Variants in TLK2 observed in about 807,000 individuals in gnomAD.
TLK2 encodes the protein tousled like kinase 2.
Under a neutral mutation model 117.3 loss-of-function variants are expected in TLK2, and 6 were observed. That is an observed-to-expected ratio of 0.05 (90% CI 0.03 to 0.10). The LOEUF (loss-of-function observed/expected upper bound fraction) is 0.10, where lower values mean the gene tolerates loss of function less well. Ranked by LOEUF, TLK2 falls within the 10% of genes least tolerant of loss-of-function variation. TLK2 has a pLI of 1.00. For missense variants in TLK2, 299 were observed against 901.2 expected, an observed-to-expected ratio of 0.33 and a Z score of 8.56; for synonymous variants, 257 against 316.7, an observed-to-expected ratio of 0.81 and a Z score of 2.00.
intron 11 of TLK2, among the ~76,000 whole-genome samples, chr17:62,567,659 A>G (rs1461864012): frequency 6.6e-6 from 1 of 152,238 alleles, no homozygotes; most frequent in East Asian, 1.9e-4. Flanking sequence ...TGCACATGAG[A>G]AACTCCAAGA....
Position 62,607,958 on chromosome 17 carries a change from C to T in TLK2, c.1972-83C>T, listed in dbSNP as rs2083440750. The T allele has an allele frequency of 3.5e-6, 4 of 1,156,348 alleles. No homozygotes were observed. In the South Asian group the frequency reaches 5.8e-5, roughly 17 times the overall value. The allele number at this position is 1,156,348 out of a possible 1,614,324, so 71.6% of individuals were successfully genotyped here. A position where few individuals can be genotyped will look rare whatever the true frequency, so the allele number is the denominator to read the frequency against. The stretch of plus-strand genomic sequence containing the variant: ...AATTCAAATTAGAAGATGTCTTATC[C>T]TTTTCCTTCCCTGGGGTATTGAATT... On this transcript the variant is annotated intron_variant, in intron 20 of 21. Transcript: ENST00000346027.
chr17:62,601,548 A>G (rs1038290363), intron 18 of TLK2, among the ~76,000 whole-genome samples: 1 of 152,240 alleles, frequency 6.6e-6, no homozygotes, highest in African/African-American at 2.4e-5. Context: ...GAAATTTTTT[A>G]AAAGATGGCT....
At chr17:62,482,410 G>T (rs915223351) in intron 2 of TLK2, among the ~76,000 whole-genome samples, 4 of 151,526 alleles carry the variant, frequency 2.6e-5, no homozygotes, top group African/African-American at 9.7e-5. Context: ...TTCTTTGATG[G>T]GTCTCACAGT....
intron 2 of TLK2, among the ~76,000 whole-genome samples, chr17:62,510,015 A>G (rs563222596): frequency 6.6e-6 from 1 of 152,348 alleles, no homozygotes; most frequent in South Asian, 2.1e-4. Context: ...GCAGTGGCTC[A>G]TGCCTGTAAT....
rs556112980 is a variant in TLK2 at position 62,483,257 on chromosome 17, C to T, written c.81+2051C>T. Among the ~76,000 whole-genome samples, 8 of 148,732 alleles carry T rather than the reference C, an allele frequency of 5.4e-5. No homozygotes were observed. The Admixed American group carries it at 5.5e-4, about 10-fold the overall frequency. ...ATTTTACATAGTTAAGCTCACTGATCTTTGGATTAGGGTTGTTGTTCTGTT... is the reference window on the plus strand; with the variant it reads ...ATTTTACATAGTTAAGCTCACTGATTTTTGGATTAGGGTTGTTGTTCTGTT... On this transcript the variant is annotated intron_variant, in intron 2 of 21. Transcript: ENST00000346027.
intron 21 of TLK2, among the ~76,000 whole-genome samples, chr17:62,609,493 A>G (rs1302282031): frequency 6.6e-6 from 1 of 152,210 alleles, no homozygotes; most frequent in Non-Finnish European, 1.5e-5. Flanking sequence ...TTTAGCTGCC[A>G]TGTCACAGGG....
chr17:62,478,693 C>A (rs1406140520), upstream of TLK2, among the ~76,000 whole-genome samples: 351 of 113,484 alleles, frequency 3.1e-3, 5 homozygotes, highest in East Asian at 0.065. Flanking sequence ...GACCCCCCCC[C>A]ACCTTCCTCG....
At chr17:62,495,347 T>A (rs904653135) in intron 2 of TLK2, among the ~76,000 whole-genome samples, 1 of 152,060 alleles carries the variant, frequency 6.6e-6, no homozygotes, top group Non-Finnish European at 1.5e-5. Flanking sequence ...TAAAGAATGA[T>A]TAGTATAGGA....
chr17:62,609,562 A>G (rs1194542733), intron 21 of TLK2, among the ~76,000 whole-genome samples: 1 of 152,158 alleles, frequency 6.6e-6, no homozygotes. Flanking sequence ...CCCTGTCCCC[A>G]TTGTTCAACA....
chr17:62,512,704 G>A (rs1278130180), intron 2 of TLK2, among the ~76,000 whole-genome samples: 4 of 151,804 alleles, frequency 2.6e-5, no homozygotes, highest in Non-Finnish European at 4.4e-5. Flanking sequence ...ATTTATCAGT[G>A]TTTCCTTTTG....
upstream of TLK2, among the ~76,000 whole-genome samples, chr17:62,474,890 G>A (rs1472756380): frequency 6.6e-6 from 1 of 150,748 alleles, no homozygotes; most frequent in Non-Finnish European, 1.5e-5. Flanking sequence ...TCAAACTCCT[G>A]GCCTCAAGCA....
intron 16 of TLK2, among the ~76,000 whole-genome samples, chr17:62,592,389 A>C (rs1345791923): frequency 6.6e-6 from 1 of 152,246 alleles, no homozygotes; most frequent in Non-Finnish European, 1.5e-5. Context: ...TTAAACTAGA[A>C]AAGTACCTTA....
In TLK2 at chr17:62,553,646, T is replaced by C; in HGVS notation, c.628-17T>C. ...GTTGAGACTAATCCTAAATTTGTTT[T>C]ACCTTTGTCTCTGTAGTCCGACCTC... On this transcript the variant is annotated splice_polypyrimidine_tract_variant and intron_variant, in intron 8 of 21. Transcript: ENST00000346027. 6.4e-7 allele frequency: 1 copy of C among 1,572,822 alleles called. No individual in the cohort carries two copies. Among genetic ancestry groups the C allele is most frequent in the Non-Finnish European group, 8.7e-7 (1 of 1,143,132 alleles).
chr17:62,514,727 C>T (rs867056413), intron 2 of TLK2, among the ~76,000 whole-genome samples: 5 of 151,764 alleles, frequency 3.3e-5, no homozygotes, highest in East Asian at 2.0e-4. Context: ...TACAAGCGCC[C>T]GCCACCACAC....
intron 15 of TLK2, among the ~76,000 whole-genome samples, chr17:62,580,931 T>C (rs2081169746): frequency 6.6e-6 from 1 of 152,220 alleles, no homozygotes; most frequent in South Asian, 2.1e-4. Flanking sequence ...ATCTTTTCAG[T>C]AAAATAGTTT....
At position 62,606,181 on chromosome 17, in the gene TLK2, A is replaced by G. The variant is rs548613891; in HGVS notation, c.1911A>G (p.Ser637=). 34 of 1,602,428 alleles carry G rather than the reference A, an allele frequency of 2.1e-5. No individual in the cohort carries two copies. The Admixed American group carries it at 5.5e-4, about 26-fold the overall frequency. ...FVVGKEPPKI[S]NKVDVWSVGV... is the part of the protein sequence containing the mutation. ...TTGGGAAAGAACCACCAAAGATCTC[A>G]AATAAAGTTGATGTGTGGTCGGTGG... Residue 637 remains serine (S), a synonymous_variant, in exon 20 of 22, where the codon TCA becomes TCG. Coordinates refer to ENST00000346027, the MANE Select transcript of TLK2 (RefSeq NM_006852.6).
At chr17:62,496,245 A>G (rs1480877251) in intron 2 of TLK2, among the ~76,000 whole-genome samples, 2 of 152,188 alleles carry the variant, frequency 1.3e-5, no homozygotes, top group African/African-American at 4.8e-5. Flanking sequence ...ATTCATACAT[A>G]TAGAGCTTCT....
chr17:62,558,179 A>G (rs1317340337), intron 9 of TLK2, among the ~76,000 whole-genome samples: 2 of 150,978 alleles, frequency 1.3e-5, no homozygotes, highest in African/African-American at 4.9e-5. Flanking sequence ...TTTTTAATTA[A>G]AAAAAAAGGA....
Position 62,549,418 on chromosome 17 carries a change from A to AG in TLK2, c.532-2884_532-2883insG, listed in dbSNP as rs1438441681. Among the ~76,000 whole-genome samples the AG allele has an allele frequency of 9.4e-4, 8 of 8,556 alleles. 1 individual carries two copies. Among genetic ancestry groups the AG allele is most frequent in the Non-Finnish European group, 4.9e-3 (8 of 1,620 alleles). The allele number at this position is 8,556 out of a possible 152,430, so 5.6% of individuals were successfully genotyped here. On this transcript the variant is annotated intron_variant, in intron 7 of 21. Transcript: ENST00000346027. Reference sequence around the variant, plus strand: ...CATCTCAAAAAAAAAAAAAAAAAAAAAAAAAAAAAAAAAAAAAAATAGAAA... The same window carrying AG: ...CATCTCAAAAAAAAAAAAAAAAAAAAGAAAAAAAAAAAAAAAAAAATAGAAA...
Sources: gnomAD v4.1 joint callset for allele counts (sites outside exome capture counted in the v4.1 genomes callset) on GRCh38, gnomAD v4.1.1 for gene constraint, MANE v1.5 for transcripts, NCBI Gene and HGNC (gene_info 2026-07-23, HGNC 2026-07-21) for gene names.